Variants in TMEM154 observed in about 807,000 individuals in gnomAD.
TMEM154 encodes transmembrane protein 154.
In TMEM154, 27 loss-of-function variants were observed where a neutral mutation model predicts 24.5. That is an observed-to-expected ratio of 1.10 (90% CI 0.81 to 1.52). TMEM154 has a LOEUF of 1.52. Ranked by LOEUF, TMEM154 falls within the 40% of genes most tolerant of loss-of-function variation. The pLI is 0.00. For missense variants in TMEM154, 228 were observed against 213.4 expected (o/e 1.07, Z -0.43); for synonymous variants, 67 against 76.8 (o/e 0.87, Z 0.67).
At chr4:152,632,874 G>A (rs1752075125) in intron 6 of TMEM154, among the ~76,000 whole-genome samples, 1 of 152,104 alleles carries the variant, frequency 6.6e-6, no homozygotes, top group Admixed American at 6.6e-5. Context: ...CATCTCACCT[G>A]CAAAACATAC....
chr4:152,665,216 C>T lies in TMEM154; in HGVS notation c.65-12289G>A, dbSNP rs145198619. The stretch of plus-strand genomic sequence containing the variant: ...TCGAGCAAGACCCTGTTCTAAATAT[C>T]GATCAATCTAAATATTTAGGGGTAG... On this transcript the variant is annotated intron_variant, in intron 1 of 6. Coordinates refer to ENST00000304385, the MANE Select transcript of TMEM154 (RefSeq NM_152680.3). 4.3e-4 allele frequency among the ~76,000 whole-genome samples: 66 copies of T among 152,294 alleles called. No homozygotes were observed. In the East Asian group the frequency reaches 0.011, roughly 25 times the overall value.
At chr4:152,650,447 A>G (rs914515609) in intron 3 of TMEM154, among the ~76,000 whole-genome samples, 1 of 151,824 alleles carries the variant, frequency 6.6e-6, no homozygotes, top group Non-Finnish European at 1.5e-5. Flanking sequence ...ATGAGATTGC[A>G]GCAATTCCAT....
chr4:152,674,449 T>C (rs1236792735), intron 1 of TMEM154, among the ~76,000 whole-genome samples: 1 of 152,202 alleles, frequency 6.6e-6, no homozygotes, highest in Non-Finnish European at 1.5e-5. Context: ...ATTGCTCTAT[T>C]CCTTTCTTCT....
intron 3 of TMEM154, chr4:152,647,248 C>A (rs1728271233): frequency 1.0e-6 from 1 of 985,066 alleles, no homozygotes; most frequent in South Asian, 4.7e-5. Flanking sequence ...TGCAGGTGTC[C>A]ATGCTCTCCT....
At chr4:152,641,511 T>C (rs991806170) in intron 5 of TMEM154, 19 of 152,458 alleles carry the variant, frequency 1.2e-4, no homozygotes, top group Admixed American at 9.8e-4. Context: ...CAGCTTTAGT[T>C]GTCAAATAGA....
Position 152,679,941 on chromosome 4 carries a change from C to T in TMEM154, c.-8G>A, listed in dbSNP as rs201751912. The T allele has an allele frequency of 3.2e-5, 51 of 1,607,098 alleles. No individual in the cohort carries two copies. Among genetic ancestry groups the T allele is most frequent in the Non-Finnish European group, 4.3e-5 (51 of 1,177,484 alleles). On this transcript the variant is annotated 5_prime_UTR_variant, in exon 1 of 7. Transcript: ENST00000304385. Reference sequence around the variant, plus strand: ...TGCGCGGGGAGCCTGCATGTCCGCTCGCCTCGGCAGAGGCGCGCTCAGGAT... The same window carrying T: ...TGCGCGGGGAGCCTGCATGTCCGCTTGCCTCGGCAGAGGCGCGCTCAGGAT...
chr4:152,647,803 A>G (rs1051608126), intron 3 of TMEM154, among the ~76,000 whole-genome samples: 1 of 152,252 alleles, frequency 6.6e-6, no homozygotes, highest in Non-Finnish European at 1.5e-5. Flanking sequence ...ATTTGCCTAT[A>G]TAAACCATTT....
intron 1 of TMEM154, among the ~76,000 whole-genome samples, chr4:152,653,692 G>C (rs1728436413): frequency 6.6e-6 from 1 of 151,908 alleles, no homozygotes; most frequent in African/African-American, 2.4e-5. Flanking sequence ...GCCTGTCTGT[G>C]TCCTAATATT....
chr4:152,642,019 T>C (rs1204209507), intron 5 of TMEM154, among the ~76,000 whole-genome samples: 3 of 143,532 alleles, frequency 2.1e-5, no homozygotes, highest in Non-Finnish European at 4.5e-5. Flanking sequence ...GCCTCCTGGG[T>C]TCAAGCTATT....
intron 3 of TMEM154, among the ~76,000 whole-genome samples, chr4:152,652,082 C>T (rs1042737345): frequency 6.6e-6 from 1 of 152,136 alleles, no homozygotes; most frequent in Non-Finnish European, 1.5e-5. Context: ...CACTCCAAAA[C>T]AATTACAACA....
chr4:152,638,999 G>A (rs185886565), intron 6 of TMEM154, among the ~76,000 whole-genome samples: 32 of 152,188 alleles, frequency 2.1e-4, no homozygotes, highest in Non-Finnish European at 2.9e-4. Context: ...TGCCTAGGCT[G>A]GAGTGCAATG....
chr4:152,641,981 G>A (rs1752268239), intron 5 of TMEM154, among the ~76,000 whole-genome samples: 1 of 130,898 alleles, frequency 7.6e-6, no homozygotes, highest in Non-Finnish European at 1.5e-5. Flanking sequence ...GGAGTGCAGT[G>A]GCACAATCTC....
intron 3 of TMEM154, among the ~76,000 whole-genome samples, chr4:152,650,160 C>T (rs1466570172): frequency 6.6e-6 from 1 of 152,160 alleles, no homozygotes; most frequent in African/African-American, 2.4e-5. Context: ...AAATGTGTCA[C>T]ATTGATTGAC....
Position 152,677,986 on chromosome 4 carries a change from C to T in TMEM154, c.64+1884G>A, listed in dbSNP as rs184466581. On this transcript the variant is annotated intron_variant, in intron 1 of 6. Coordinates refer to ENST00000304385, the MANE Select transcript of TMEM154 (RefSeq NM_152680.3). The stretch of plus-strand genomic sequence containing the variant: ...GTTTAGGTCTATCGGGGCACAGCAG[C>T]AGGTACGAGTAGAGCTCCAGGGAAG... 2.8e-3 allele frequency among the ~76,000 whole-genome samples: 428 copies of T among 152,222 alleles called. 3 individuals carry two copies. Among genetic ancestry groups the T allele is most frequent in the African/African-American group, 9.8e-3 (407 of 41,532 alleles).
At chr4:152,673,308 T>C (rs1207848505) in intron 1 of TMEM154, among the ~76,000 whole-genome samples, 1 of 152,176 alleles carries the variant, frequency 6.6e-6, no homozygotes, top group Non-Finnish European at 1.5e-5. Flanking sequence ...ATTTACTTCT[T>C]TATTTGTTTT....
At chr4:152,664,667 T>A (rs950978102) in intron 1 of TMEM154, among the ~76,000 whole-genome samples, 4 of 152,152 alleles carry the variant, frequency 2.6e-5, no homozygotes, top group African/African-American at 9.7e-5. Flanking sequence ...AATAAAACAA[T>A]GACAAGAGAA....
At chr4:152,659,919 A>G (rs1220324282) in intron 1 of TMEM154, among the ~76,000 whole-genome samples, 1 of 152,150 alleles carries the variant, frequency 6.6e-6, no homozygotes, top group Non-Finnish European at 1.5e-5. Flanking sequence ...TAATAAAAGT[A>G]TGTGCATGTG....
intron 3 of TMEM154, among the ~76,000 whole-genome samples, chr4:152,646,262 T>G (rs544457973): frequency 1.3e-5 from 2 of 152,208 alleles, no homozygotes; most frequent in East Asian, 3.9e-4. Context: ...AAAGCTAGCC[T>G]GCAAGCAGAT....
rs774747559 is a variant in TMEM154, at chr4:152,621,653, T to C, written c.*6893A>G. ...CTTTGTGAGCCGAAAGAATAAATCC[T>C]TATTCAAGGAAGTCTTCATGTTATC... On this transcript the variant is annotated 3_prime_UTR_variant, in exon 7 of 7. Coordinates refer to ENST00000304385, the MANE Select transcript of TMEM154 (RefSeq NM_152680.3). The C allele has an allele frequency of 1.3e-5, 2 of 152,224 alleles. No homozygotes were observed. Among genetic ancestry groups the C allele is most frequent in the Non-Finnish European group, 2.9e-5 (2 of 68,036 alleles). 9.4% of individuals were successfully genotyped at this position (152,224 alleles called of 1,614,324 possible).
Sources: allele counts gnomAD v4.1 joint callset (sites outside exome capture counted in the v4.1 genomes callset), GRCh38; gene constraint gnomAD v4.1.1; transcripts MANE v1.5; gene names NCBI Gene and HGNC (gene_info 2026-07-23, HGNC 2026-07-21).